FBXL7: variants seen among roughly 807,000 people sequenced by gnomAD.
FBXL7 encodes the protein F-box and leucine rich repeat protein 7, also known as F-box/LRR-repeat protein 7.
Under a neutral mutation model 38.3 loss-of-function variants are expected in FBXL7, and 12 were observed. The observed-to-expected ratio is 0.31, with a 90% CI of 0.20 to 0.51. The LOEUF (loss-of-function observed/expected upper bound fraction) is 0.51, where lower values mean the gene tolerates loss of function less well. FBXL7 is among the 20% of genes least tolerant of loss of function. The pLI, the probability that FBXL7 is intolerant of heterozygous loss-of-function variation, is 0.98. For missense variants in FBXL7, 567 were observed against 676.4 expected, an observed-to-expected ratio of 0.84 and a Z score of 1.79; for synonymous variants, 297 against 300.9, an observed-to-expected ratio of 0.99 and a Z score of 0.13.
chr5:15,833,702 A>C (rs970954607), intron 2 of FBXL7, among the ~76,000 whole-genome samples: 1 of 152,202 alleles, frequency 6.6e-6, no homozygotes, highest in African/African-American at 2.4e-5. Context: ...GGAGACCCAT[A>C]TTCAAGCTAA....
chr5:15,610,213 C>A (rs1740184524), intron 1 of FBXL7, among the ~76,000 whole-genome samples: 1 of 152,128 alleles, frequency 6.6e-6, no homozygotes, highest in African/African-American at 2.4e-5. Context: ...TGGGTGGGGA[C>A]CCAGCCAAAC....
intron 2 of FBXL7, among the ~76,000 whole-genome samples, chr5:15,651,600 T>C (rs1344893564): frequency 6.6e-6 from 1 of 152,146 alleles, no homozygotes; most frequent in Non-Finnish European, 1.5e-5. Flanking sequence ...AACAATGGGG[T>C]TAAAATATTC....
At chr5:15,915,335 G>C (rs572087087) in intron 2 of FBXL7, among the ~76,000 whole-genome samples, 1 of 152,326 alleles carries the variant, frequency 6.6e-6, no homozygotes, top group Admixed American at 6.5e-5. Context: ...CCCAAACCAA[G>C]GTGTTGACAG....
chr5:15,898,384 A>G (rs1741154928), intron 2 of FBXL7, among the ~76,000 whole-genome samples: 1 of 152,222 alleles, frequency 6.6e-6, no homozygotes, highest in Non-Finnish European at 1.5e-5. Context: ...GTAGTGATAT[A>G]TAGGGGTAGT....
intron 2 of FBXL7, among the ~76,000 whole-genome samples, chr5:15,646,654 C>T (rs1306605095): frequency 6.6e-6 from 1 of 152,126 alleles, no homozygotes; most frequent in Non-Finnish European, 1.5e-5. Context: ...GTTGATTTAG[C>T]TTATTTTGTT....
At position 15,500,408 on chromosome 5, in the gene FBXL7, C is replaced by T. The variant is rs1462986553; in HGVS notation, c.-269C>T. ...GCGGCCCCGGGGCGCGGGCTGTGCG[C>T]GGCGCTGCGCCCGCCGGCCCCCAGC... is the stretch of plus-strand genomic sequence containing the variant. On this transcript the variant is annotated 5_prime_UTR_variant, in exon 1 of 4. Coordinates refer to ENST00000504595, the MANE Select transcript of FBXL7 (RefSeq NM_012304.5). 2 of 334,642 alleles carry T rather than the reference C, an allele frequency of 6.0e-6. No homozygotes were observed. The highest frequency in any genetic ancestry group is 1.1e-5 in the Non-Finnish European group (2 of 183,620). The allele number at this position is 334,642 out of a possible 1,614,324, so 20.7% of individuals were successfully genotyped here. A position where few individuals can be genotyped will look rare whatever the true frequency, so the allele number is the denominator to read the frequency against.
At chr5:15,781,490 T>C (rs1188698376) in intron 2 of FBXL7, among the ~76,000 whole-genome samples, 1 of 151,314 alleles carries the variant, frequency 6.6e-6, no homozygotes, top group Admixed American at 6.6e-5. Flanking sequence ...AGTATAAGAG[T>C]AAAATAGTAT....
chr5:15,643,674 C>A (rs1741438608), intron 2 of FBXL7, among the ~76,000 whole-genome samples: 1 of 152,186 alleles, frequency 6.6e-6, no homozygotes, highest in Non-Finnish European at 1.5e-5. Flanking sequence ...TTAAAGGAAG[C>A]ATCTGCTTCT....
chr5:15,541,389 CAT>C (rs1413034192), intron 1 of FBXL7, among the ~76,000 whole-genome samples: 51 of 136,978 alleles, frequency 3.7e-4, no homozygotes, highest in African/African-American at 1.3e-3. Context: ...TATACACACA[CAT>C]ATATCCATAT....
chr5:15,615,692 T>A (rs1486118862), intron 1 of FBXL7, among the ~76,000 whole-genome samples: 1 of 152,214 alleles, frequency 6.6e-6, no homozygotes, highest in Non-Finnish European at 1.5e-5. Flanking sequence ...TTATTCACAT[T>A]TATGCCAAAA....
At chr5:15,804,772 C>T (rs982872888) in intron 2 of FBXL7, among the ~76,000 whole-genome samples, 2 of 152,076 alleles carry the variant, frequency 1.3e-5, no homozygotes, top group African/African-American at 2.4e-5. Flanking sequence ...ATCTAGGTTG[C>T]GTATTTCTTA....
At chr5:15,793,506 GATC>G (rs1737330732) in intron 2 of FBXL7, among the ~76,000 whole-genome samples, 1 of 152,138 alleles carries the variant, frequency 6.6e-6, no homozygotes, top group African/African-American at 2.4e-5. Context: ...CGTATTCCAA[GATC>G]ATCATTTTAA....
chr5:15,927,785 A>T, intron 2 of FBXL7, 105 bp from the exon 3 acceptor site: 8 of 801,030 alleles, frequency 1.0e-5, no homozygotes, highest in East Asian at 3.2e-5. Flanking sequence ...AAAAAAAAAA[A>T]AAGAAGAAGA....
intron 1 of FBXL7, chr5:15,580,663 A>G (rs1739108994): frequency 1.0e-6 from 1 of 985,434 alleles, no homozygotes; most frequent in East Asian, 1.1e-4. Flanking sequence ...CAAAGGCAAC[A>G]TGAAAATTAA....
chr5:15,626,544 C>CTCTGTGTGTG (rs1554010327), intron 2 of FBXL7, among the ~76,000 whole-genome samples: 2 of 148,242 alleles, frequency 1.3e-5, no homozygotes, highest in Non-Finnish European at 3.0e-5. Context: ...AATTCGTTTC[C>CTCTGTGTGTG]TGTGTGTGTG....
chr5:15,931,185 A>G (rs1037886486), intron 3 of FBXL7, among the ~76,000 whole-genome samples: 7 of 152,236 alleles, frequency 4.6e-5, no homozygotes, highest in African/African-American at 1.7e-4. Context: ...ATTAAACATC[A>G]TTGCACTATA....
chr5:15,559,721 A>G (rs1344101926), intron 1 of FBXL7, among the ~76,000 whole-genome samples: 1 of 152,258 alleles, frequency 6.6e-6, no homozygotes, highest in Non-Finnish European at 1.5e-5. Flanking sequence ...AGATTAGTGG[A>G]GTTAGGGCAA....
At chr5:15,703,592 GA>G (rs1743594218) in intron 2 of FBXL7, among the ~76,000 whole-genome samples, 1 of 152,098 alleles carries the variant, frequency 6.6e-6, no homozygotes, top group East Asian at 1.9e-4. Context: ...TGATCTAGGT[GA>G]AAAGTCATTA....
At chr5:15,548,549 G>A (rs1580364039) in intron 1 of FBXL7, among the ~76,000 whole-genome samples, 1 of 152,126 alleles carries the variant, frequency 6.6e-6, no homozygotes, top group East Asian at 1.9e-4. Flanking sequence ...TATAAAATGG[G>A]GACAAAAATG....
Sources: gnomAD v4.1 joint callset for allele counts (sites outside exome capture counted in the v4.1 genomes callset) on GRCh38, gnomAD v4.1.1 for gene constraint, MANE v1.5 for transcripts, NCBI Gene and HGNC (gene_info 2026-07-23, HGNC 2026-07-21) for gene names.